HIVEP1: variants seen among roughly 807,000 people sequenced by gnomAD.
The protein encoded by HIVEP1 is zinc finger protein 40.
HIVEP1 carries 36 observed loss-of-function variants against 180.0 expected under a neutral mutation model. The ratio of observed to expected loss-of-function variants is 0.20; its 90% CI spans 0.15 to 0.26. The LOEUF is 0.26. Among genes scored for constraint, HIVEP1 ranks in the 10% least tolerant of loss-of-function variants. The pLI is 1.00. For synonymous variants in HIVEP1, 1,239 were observed against 1,239.0 expected (o/e 1.00, Z 0.00); for missense variants, 3,143 against 3,268.7 (o/e 0.96, Z 0.94).
At chr6:12,173,119 A>G in the HIVEP1 span, among the ~76,000 whole-genome samples, 1 of 152,180 alleles carries the variant, frequency 6.6e-6, no homozygotes, top group Non-Finnish European at 1.5e-5. Flanking sequence ...ACTTCCAAGT[A>G]TATTAGGTTT....
rs931835288 is a variant in HIVEP1 at position 12,027,760 on chromosome 6, T to G, written c.40+12092T>G. 1.1e-4 allele frequency among the ~76,000 whole-genome samples: 16 copies of G among 152,198 alleles called. 1 individual carries two copies. Among genetic ancestry groups the G allele is most frequent in the African/African-American group, 3.6e-4 (15 of 41,448 alleles). ...AATGGGACCAGGTCATCTGAGTGAT[T>G]GATAATTGCTGCTAGCACATTAAGC... On this transcript the variant is annotated intron_variant, in intron 2 of 8. Transcript: ENST00000379388.
At chr6:12,198,404 G>C in the HIVEP1 span, among the ~76,000 whole-genome samples, 1 of 152,186 alleles carries the variant, frequency 6.6e-6, no homozygotes, top group Non-Finnish European at 1.5e-5. Context: ...AGTTAAAGGA[G>C]AAAATTTGAA....
At chr6:12,147,349 T>A (rs1759440115) in intron 7 of HIVEP1, among the ~76,000 whole-genome samples, 1 of 152,246 alleles carries the variant, frequency 6.6e-6, no homozygotes, top group South Asian at 2.1e-4. Context: ...TAGTGACACA[T>A]ACAGTGTTTC....
chr6:12,009,942 C>T (rs1190187497), upstream of HIVEP1, among the ~76,000 whole-genome samples: 1 of 152,206 alleles, frequency 6.6e-6, no homozygotes, highest in Admixed American at 6.5e-5. Flanking sequence ...GTATGTTGTG[C>T]TCAACAATTA....
intron 3 of HIVEP1, among the ~76,000 whole-genome samples, chr6:12,099,824 T>C (rs1346307579): frequency 6.6e-6 from 1 of 152,248 alleles, no homozygotes; most frequent in Non-Finnish European, 1.5e-5. Context: ...ATTATTGCTT[T>C]GATTTCTTAA....
chr6:12,084,376 T>A (rs1271251423), intron 2 of HIVEP1, among the ~76,000 whole-genome samples: 1 of 152,144 alleles, frequency 6.6e-6, no homozygotes. Context: ...GACAGGTAAG[T>A]CCAGCGGTAT....
At chr6:12,106,046 A>G (rs1339865285) in intron 3 of HIVEP1, among the ~76,000 whole-genome samples, 12 of 151,742 alleles carry the variant, frequency 7.9e-5, no homozygotes, top group Non-Finnish European at 1.5e-4. Context: ...ATACATATAT[A>G]TACACACACA....
chr6:12,151,970 A>G (rs1759732692), intron 7 of HIVEP1, among the ~76,000 whole-genome samples: 1 of 152,176 alleles, frequency 6.6e-6, no homozygotes, highest in South Asian at 2.1e-4. Flanking sequence ...AGCCTGGACA[A>G]CATGGTGAAA....
intron 7 of HIVEP1, among the ~76,000 whole-genome samples, chr6:12,147,152 C>T (rs1322907706): frequency 6.6e-6 from 1 of 152,050 alleles, no homozygotes; most frequent in African/African-American, 2.4e-5. Context: ...GGCTGGGGGA[C>T]AGGTAATAGA....
Position 12,120,226 on chromosome 6 carries a change from G to A in HIVEP1, c.431G>A (p.Arg144His), listed in dbSNP as rs763821219. Reference protein sequence around the residue: ...PLFLQQPSELRRWRSEGADPA... With the variant: ...PLFLQQPSELHRWRSEGADPA... Reference sequence around the variant, plus strand: ...TTTCTGCAGCAACCATCTGAACTGCGTAGATGGAGATCCGAAGGCGCTGAT... The same window carrying A: ...TTTCTGCAGCAACCATCTGAACTGCATAGATGGAGATCCGAAGGCGCTGAT... The change falls in exon 4 of 9, where the codon CGT becomes CAT. Residue 144 changes from arginine to histidine, a missense_variant. Physicochemically the swap from Arg to His is conservative, Grantham distance 29. Around this residue, in one of 12 missense-constraint regions of HIVEP1, gnomAD observed 306 missense variants for 310.6 expected, o/e 0.99. Transcript: ENST00000379388. 11 of 1,613,936 alleles carry A rather than the reference G, an allele frequency of 6.8e-6. No homozygotes were observed. The highest frequency in any genetic ancestry group is 6.7e-5 in the African/African-American group (5 of 74,924).
intron 2 of HIVEP1, among the ~76,000 whole-genome samples, chr6:12,077,897 G>A (rs1354134214): frequency 6.6e-6 from 1 of 152,108 alleles, no homozygotes; most frequent in Admixed American, 6.6e-5. Context: ...CTCTTAGAGA[G>A]TATGGATGTG....
chr6:12,066,522 C>G (rs1771598775), intron 2 of HIVEP1, among the ~76,000 whole-genome samples: 1 of 152,154 alleles, frequency 6.6e-6, no homozygotes, highest in South Asian at 2.1e-4. Context: ...AAGTTACAAG[C>G]TTAATTACTG....
Position 12,123,068 on chromosome 6 carries a change from C to G in HIVEP1, c.3273C>G (p.Ser1091=), listed in dbSNP as rs752376111. The G allele has an allele frequency of 1.2e-5, 20 of 1,614,138 alleles. No individual in the cohort carries two copies. Among genetic ancestry groups the G allele is most frequent in the Admixed American group, 1.7e-5 (1 of 60,024 alleles). Residue 1091 remains serine (S), a synonymous_variant, in exon 4 of 9, where the codon TCC becomes TCG. Coordinates refer to ENST00000379388, the MANE Select transcript of HIVEP1 (RefSeq NM_002114.4). ...QQHKNIQLQN[S]HIHLVARGPE... ...ATAAAAATATACAGTTGCAAAACTC[C>G]CATATTCACCTTGTTGCCAGGGGCC...
At chr6:12,075,332 A>G (rs1482244411) in intron 2 of HIVEP1, among the ~76,000 whole-genome samples, 1 of 152,196 alleles carries the variant, frequency 6.6e-6, no homozygotes, top group African/African-American at 2.4e-5. Flanking sequence ...ATTGTTTTCT[A>G]TTCTGTTATC....
intron 2 of HIVEP1, among the ~76,000 whole-genome samples, chr6:12,057,582 A>C (rs1561897191): frequency 1.3e-5 from 2 of 152,054 alleles, no homozygotes; most frequent in East Asian, 3.9e-4. Context: ...TTTATCAAAG[A>C]CTCTCAGAGA....
chr6:12,017,085 T>C (rs1767820931), intron 2 of HIVEP1, among the ~76,000 whole-genome samples: 2 of 152,248 alleles, frequency 1.3e-5, no homozygotes, highest in Non-Finnish European at 2.9e-5. Context: ...GCCATAAGTA[T>C]TAAACATTTT....
chr6:12,078,952 G>A (rs1055598317), intron 2 of HIVEP1, among the ~76,000 whole-genome samples: 1 of 152,044 alleles, frequency 6.6e-6, no homozygotes, highest in South Asian at 2.1e-4. Context: ...GCGTGTATGC[G>A]TGTGCATGTG....
chr6:12,010,307 A>G (rs1334774438), upstream of HIVEP1, among the ~76,000 whole-genome samples: 2 of 152,216 alleles, frequency 1.3e-5, no homozygotes, highest in Non-Finnish European at 2.9e-5. Context: ...TGTAGTAGGC[A>G]TATTTCTCCC....
At chr6:12,114,815 T>A (rs1230710291) in intron 3 of HIVEP1, among the ~76,000 whole-genome samples, 1 of 152,224 alleles carries the variant, frequency 6.6e-6, no homozygotes, top group East Asian at 1.9e-4. Flanking sequence ...AGTTTGAGAT[T>A]GATGCCTGAG....
Sources: gnomAD v4.1 joint callset for allele counts (sites outside exome capture counted in the v4.1 genomes callset) on GRCh38, gnomAD v4.1.1 for gene constraint, gnomAD v4.1.1 regional missense constraint, MANE v1.5 for transcripts, NCBI Gene and HGNC (gene_info 2026-07-23, HGNC 2026-07-21) for gene names.